CENPX: variants seen among roughly 807,000 people sequenced by gnomAD.
CENPX encodes FANCM associated histone fold protein 2.
In CENPX, 13 loss-of-function variants were observed where a neutral mutation model predicts 13.2. The ratio of observed to expected loss-of-function variants is 0.98; its 90% CI spans 0.64 to 1.56. The LOEUF is 1.56. Ranked by LOEUF, CENPX falls within the 40% of genes most tolerant of loss-of-function variation. The pLI is 0.00. For missense variants in CENPX, 138 were observed against 107.5 expected, an observed-to-expected ratio of 1.28 and a Z score of -1.26; for synonymous variants, 66 against 47.2, an observed-to-expected ratio of 1.40 and a Z score of -1.63.
intron 1 of CENPX, 100 bp downstream of exon 1, chr17:82,022,726 A>AG: frequency 7.2e-7 from 1 of 1,397,324 alleles, no homozygotes; most frequent in Non-Finnish European, 9.8e-7. Flanking sequence ...TCAAAGGCAC[A>AG]GGGGGCGGCG....
chr17:82,020,909 G>C (rs537295689), intron 1 of CENPX, among the ~76,000 whole-genome samples: 50 of 152,332 alleles, frequency 3.3e-4, no homozygotes, highest in African/African-American at 1.2e-3. Context: ...CAGGAGGGCA[G>C]CCCTGGGTGG....
intron 1 of CENPX, 129 bp downstream of exon 1, chr17:82,022,697 T>G: frequency 9.0e-7 from 1 of 1,112,802 alleles, no homozygotes; most frequent in Non-Finnish European, 1.3e-6. Context: ...GGAGATGGAG[T>G]CTGAGAACGG....
intron 1 of CENPX, 29 bp from the exon 2 acceptor site, chr17:82,019,938 G>T (rs767797077): frequency 6.5e-7 from 1 of 1,533,872 alleles, no homozygotes; most frequent in Admixed American, 1.9e-5. Flanking sequence ...TCAGCGCCAC[G>T]CCCCGCCCTC....
chr17:82,022,804 G>A (rs780882067), intron 1 of CENPX, 22 bp downstream of exon 1: 14 of 1,576,340 alleles, frequency 8.9e-6, no homozygotes, highest in Non-Finnish European at 1.2e-5. Flanking sequence ...CGCCTGCCTA[G>A]CCCCTGCCCT....
intron 1 of CENPX, 27 bp from the exon 2 acceptor site, chr17:82,019,936 AC>A (rs759339201): frequency 3.3e-6 from 5 of 1,534,114 alleles, no homozygotes; most frequent in Admixed American, 1.9e-5. Context: ...TGTCAGCGCC[AC>A]GCCCCGCCCT....
At position 82,019,844 on chromosome 17, in the gene CENPX, ACCCCC is replaced by A; in HGVS notation, c.88+9_88+13del. 1 of 1,142,006 alleles carries A rather than the reference ACCCCC, an allele frequency of 8.8e-7. No individual in the cohort carries two copies. Among genetic ancestry groups the A allele is most frequent in the Non-Finnish European group, 1.3e-6 (1 of 788,872 alleles). 70.7% of individuals were successfully genotyped at this position (1,142,006 alleles called of 1,614,324 possible). A position where few individuals can be genotyped will look rare whatever the true frequency, so the allele number is the denominator to read the frequency against. On this transcript the variant is annotated intron_variant, in intron 2 of 4. Transcript: ENST00000392359. The stretch of plus-strand genomic sequence containing the variant: ...ACACGGGGACCCACCTCCCGCCCGC[ACCCCC>A]ACCCGCACCTTTGGTCTTGTCATCC...
chr17:82,020,976 G>A (rs1408561381), intron 1 of CENPX, among the ~76,000 whole-genome samples: 1 of 152,140 alleles, frequency 6.6e-6, no homozygotes, highest in African/African-American at 2.4e-5. Flanking sequence ...GCCCACAGCC[G>A]CCGGGAAAGG....
chr17:82,020,883 G>C (rs761587016), intron 1 of CENPX, among the ~76,000 whole-genome samples: 16 of 152,238 alleles, frequency 1.1e-4, no homozygotes, highest in Non-Finnish European at 1.9e-4. Flanking sequence ...CAGCTGCAGT[G>C]GTGGCGGCCG....
chr17:82,022,821 C>G lies in CENPX; in HGVS notation c.36+5G>C. The G allele has an allele frequency of 6.3e-7, 1 of 1,587,338 alleles. No homozygotes were observed. The highest frequency in any genetic ancestry group is 8.5e-7 in the Non-Finnish European group (1 of 1,169,682). The stretch of plus-strand genomic sequence containing the variant: ...CCTGCCTAGCCCCTGCCCTCCGGCC[C>G]TCACCTTCCGGAAGCCGGATCCAGC... On this transcript the variant is annotated splice_donor_5th_base_variant and intron_variant, in intron 1 of 4. Coordinates refer to ENST00000392359, the MANE Select transcript of CENPX (RefSeq NM_001271006.2).
Position 82,019,275 on chromosome 17 carries a change from C to A in CENPX, c.231+18G>T. The stretch of plus-strand genomic sequence containing the variant: ...CAGCCGGGCACCCCCACTTGCGCCC[C>A]GACCCACGCTCACGCACCAGCTGCG... On this transcript the variant is annotated intron_variant, in intron 4 of 4. Coordinates refer to ENST00000392359, the MANE Select transcript of CENPX (RefSeq NM_001271006.2). 1 of 1,596,848 alleles carries A rather than the reference C, an allele frequency of 6.3e-7. No homozygotes were observed.
chr17:82,018,919 A>G lies in CENPX; in HGVS notation c.*286T>C, dbSNP rs2043219117. ...CAGGCCTTTCCCAGCACCTGCCTGT[A>G]GGACCCCGGGTGGCATGCACACTAT... On this transcript the variant is annotated 3_prime_UTR_variant, in exon 5 of 5. Coordinates refer to ENST00000392359, the MANE Select transcript of CENPX (RefSeq NM_001271006.2). 1 of 398,400 alleles carries G rather than the reference A, an allele frequency of 2.5e-6. No homozygotes were observed. The highest frequency in any genetic ancestry group is 4.4e-6 in the Non-Finnish European group (1 of 227,618). 24.7% of individuals were successfully genotyped at this position (398,400 alleles called of 1,614,324 possible).
In CENPX at chr17:82,019,284, C is replaced by A; in HGVS notation, c.231+9G>T. The A allele has an allele frequency of 6.3e-7, 1 of 1,598,544 alleles. No homozygotes were observed. The highest frequency in any genetic ancestry group is 1.3e-5 in the African/African-American group (1 of 74,886). ...ACCCCCACTTGCGCCCCGACCCACG[C>A]TCACGCACCAGCTGCGGAAGCACCT... On this transcript the variant is annotated intron_variant, in intron 4 of 4. Transcript: ENST00000392359.
intron 1 of CENPX, 147 bp downstream of exon 1, chr17:82,022,679 G>T (rs1196023726): frequency 2.1e-6 from 2 of 950,226 alleles, no homozygotes; most frequent in Non-Finnish European, 3.1e-6. Flanking sequence ...GGGGCGCGCG[G>T]CCCGGCCGGA....
intron 1 of CENPX, among the ~76,000 whole-genome samples, chr17:82,020,666 G>T (rs1422529587): frequency 2.0e-5 from 3 of 152,144 alleles, no homozygotes; most frequent in South Asian, 2.1e-4. Context: ...TGCCCGGGGT[G>T]GGGGGAAGGG....
Position 82,019,900 on chromosome 17 carries a change from T to C in CENPX, c.46A>G (p.Ser16Gly), listed in dbSNP as rs756611831. The C allele has an allele frequency of 7.5e-6, 12 of 1,590,734 alleles. No individual in the cohort carries two copies. The highest frequency in any genetic ancestry group is 1.7e-4 in the Middle Eastern group (1 of 5,976). The change falls in exon 2 of 5, where the codon AGC (serine) becomes GGC (glycine). Residue 16 changes from serine to glycine, a missense_variant. Ser to Gly is a moderately conservative substitution (Grantham distance 56). Transcript: ENST00000392359. ...TTGAAGTGCAGGTGCAGCAGCCTGC[T>C]CACCAGCTCCTAGAAGGGAGGGGGG... ...AGSGFRKELV[S>G]RLLHLHFKDD... is the part of the protein sequence containing the mutation.
chr17:82,020,870 T>A (rs1237222093), intron 1 of CENPX, among the ~76,000 whole-genome samples: 2 of 152,110 alleles, frequency 1.3e-5, no homozygotes, highest in East Asian at 3.9e-4. Flanking sequence ...GAGTGGTGGG[T>A]GGCAGCTGCA....
At position 82,019,129 on chromosome 17, in the gene CENPX, G is replaced by A; in HGVS notation, c.*76C>T. 1 of 1,488,776 alleles carries A rather than the reference G, an allele frequency of 6.7e-7. No individual in the cohort carries two copies. Among genetic ancestry groups the A allele is most frequent in the South Asian group, 1.4e-5 (1 of 71,150 alleles). 92.2% of individuals were successfully genotyped at this position (1,488,776 alleles called of 1,614,324 possible). A position where few individuals can be genotyped will look rare whatever the true frequency, so the allele number is the denominator to read the frequency against. ...AGGTCCTTCCCTGCCTCTTATCAGA[G>A]GCCGCTGGAAACACAAGGCCTGCTT... On this transcript the variant is annotated 3_prime_UTR_variant, in exon 5 of 5. Transcript: ENST00000392359.
chr17:82,020,763 G>A (rs1378216343), intron 1 of CENPX, among the ~76,000 whole-genome samples: 1 of 152,208 alleles, frequency 6.6e-6, no homozygotes, highest in African/African-American at 2.4e-5. Context: ...ACCCCAAAAG[G>A]ACGGCACTGC....
In CENPX at chr17:82,018,705, G is replaced by T; in HGVS notation, c.*500C>A. 1 of 240,456 alleles carries T rather than the reference G, an allele frequency of 4.2e-6. No homozygotes were observed. The highest frequency in any genetic ancestry group is 8.1e-6 in the Non-Finnish European group (1 of 123,566). 14.9% of individuals were successfully genotyped at this position (240,456 alleles called of 1,614,324 possible). On this transcript the variant is annotated 3_prime_UTR_variant, in exon 5 of 5. Transcript: ENST00000392359. ...GATTAATGGCAAGAAAGCCAAGCTGGGAGAGACAGTTTTGATTTATTGATG... is the reference window on the plus strand; with the variant it reads ...GATTAATGGCAAGAAAGCCAAGCTGTGAGAGACAGTTTTGATTTATTGATG...
Sources: allele counts gnomAD v4.1 joint callset (sites outside exome capture counted in the v4.1 genomes callset), GRCh38; gene constraint gnomAD v4.1.1; transcripts MANE v1.5; gene names NCBI Gene and HGNC (gene_info 2026-07-23, HGNC 2026-07-21).